Variants in MAN1A2 observed in about 807,000 individuals in gnomAD.
The protein encoded by MAN1A2 is mannosyl-oligosaccharide 1,2-alpha-mannosidase IB.
MAN1A2 carries 26 observed loss-of-function variants against 75.7 expected under a neutral mutation model. The observed-to-expected ratio is 0.34, with a 90% CI of 0.25 to 0.48. MAN1A2 has a LOEUF of 0.48. Among genes scored for constraint, MAN1A2 ranks in the 20% least tolerant of loss-of-function variants. The pLI is 0.99. For missense variants in MAN1A2, 562 were observed against 775.5 expected (o/e 0.72, Z 3.27); for synonymous variants, 247 against 264.6 (o/e 0.93, Z 0.65).
chr1:117,458,038 A>G (rs1478574211), intron 6 of MAN1A2, among the ~76,000 whole-genome samples: 2 of 152,188 alleles, frequency 1.3e-5, no homozygotes, highest in African/African-American at 4.8e-5. Flanking sequence ...ATCATTTTAG[A>G]AACATTTTCT....
intron 1 of MAN1A2, among the ~76,000 whole-genome samples, chr1:117,396,585 G>T (rs937009520): frequency 6.6e-6 from 1 of 152,132 alleles, no homozygotes; most frequent in Non-Finnish European, 1.5e-5. Flanking sequence ...GGAACCATTT[G>T]CATGGAGATC....
chr1:117,448,620 A>G (rs1378391750), intron 6 of MAN1A2, among the ~76,000 whole-genome samples: 1 of 152,238 alleles, frequency 6.6e-6, no homozygotes, highest in African/African-American at 2.4e-5. Context: ...ATCAGAAAAG[A>G]TCAGTGAGCT....
chr1:117,374,769 G>C (rs1391923923), intron 1 of MAN1A2, among the ~76,000 whole-genome samples: 4 of 152,126 alleles, frequency 2.6e-5, no homozygotes, highest in Non-Finnish European at 4.4e-5. Context: ...TCTAGCTCAT[G>C]CATATGAAAT....
intron 1 of MAN1A2, among the ~76,000 whole-genome samples, chr1:117,401,326 A>G (rs551562668): frequency 6.6e-4 from 100 of 152,224 alleles, no homozygotes; most frequent in African/African-American, 2.3e-3. Context: ...AAGTTCAGCC[A>G]TCTGCAGAGC....
chr1:117,444,842 T>C (rs1040980265), intron 6 of MAN1A2, among the ~76,000 whole-genome samples: 2 of 152,152 alleles, frequency 1.3e-5, no homozygotes, highest in Non-Finnish European at 2.9e-5. Context: ...TATATACAAA[T>C]ATATGTTTTA....
At chr1:117,445,870 G>A (rs372384490) in intron 6 of MAN1A2, among the ~76,000 whole-genome samples, 18,245 of 107,754 alleles carry the variant, frequency 0.17, 2,776 homozygotes, top group East Asian at 0.36. Flanking sequence ...ATGTGTGTGT[G>A]TGTCTGTGTG....
intron 10 of MAN1A2, among the ~76,000 whole-genome samples, chr1:117,498,998 A>T (rs1295143258): frequency 1.3e-5 from 2 of 151,626 alleles, no homozygotes; most frequent in African/African-American, 4.8e-5. Flanking sequence ...CCTTGCCTTT[A>T]AAAAAAACAT....
chr1:117,375,414 A>G (rs1653102500), intron 1 of MAN1A2, among the ~76,000 whole-genome samples: 1 of 152,222 alleles, frequency 6.6e-6, no homozygotes, highest in African/African-American at 2.4e-5. Flanking sequence ...GGGACAAGTT[A>G]TACAAATAGT....
intron 6 of MAN1A2, among the ~76,000 whole-genome samples, chr1:117,445,319 T>C (rs1649176536): frequency 6.6e-6 from 1 of 152,178 alleles, no homozygotes; most frequent in African/African-American, 2.4e-5. Context: ...TGGAATGCCT[T>C]TGTCAGATTT....
chr1:117,478,972 G>A (rs1408009415), intron 8 of MAN1A2, among the ~76,000 whole-genome samples: 2 of 151,304 alleles, frequency 1.3e-5, no homozygotes, highest in Non-Finnish European at 3.0e-5. Flanking sequence ...GGATGTGCTT[G>A]TTACATAGGT....
chr1:117,405,835 G>T (rs1319182959), intron 3 of MAN1A2, among the ~76,000 whole-genome samples, 190 bp downstream of exon 3: 1 of 152,120 alleles, frequency 6.6e-6, no homozygotes, highest in Non-Finnish European at 1.5e-5. Context: ...CATATATGTG[G>T]TAGATTTTCT....
chr1:117,444,626 T>A (rs1479812513), intron 6 of MAN1A2, among the ~76,000 whole-genome samples: 1 of 152,064 alleles, frequency 6.6e-6, no homozygotes, highest in Non-Finnish European at 1.5e-5. Flanking sequence ...GACTAGTGAA[T>A]TTTGAACATC....
intron 8 of MAN1A2, among the ~76,000 whole-genome samples, chr1:117,490,318 C>A (rs1257829303): frequency 6.6e-6 from 1 of 151,792 alleles, no homozygotes; most frequent in Non-Finnish European, 1.5e-5. Context: ...TTTGGTAATT[C>A]TTGCAATATT....
At chr1:117,389,336 T>G (rs1423892666) in intron 1 of MAN1A2, among the ~76,000 whole-genome samples, 2 of 152,178 alleles carry the variant, frequency 1.3e-5, no homozygotes, top group Non-Finnish European at 2.9e-5. Flanking sequence ...GGATGATGGC[T>G]TCAGGGTGAA....
chr1:117,461,212 A>T (rs1283477497), intron 7 of MAN1A2, among the ~76,000 whole-genome samples: 1 of 152,222 alleles, frequency 6.6e-6, no homozygotes, highest in East Asian at 1.9e-4. Context: ...ATTTTTACTC[A>T]GCCATGGAAA....
intron 8 of MAN1A2, among the ~76,000 whole-genome samples, chr1:117,476,437 C>G (rs1048137441): frequency 6.6e-6 from 1 of 152,046 alleles, no homozygotes; most frequent in Non-Finnish European, 1.5e-5. Context: ...TTGTCCATGC[C>G]TATGTCCTGA....
intron 3 of MAN1A2, among the ~76,000 whole-genome samples, chr1:117,414,113 T>C (rs961067599): frequency 1.3e-5 from 2 of 151,916 alleles, no homozygotes; most frequent in African/African-American, 2.4e-5. Context: ...TTTTATTATT[T>C]TGATTTTCTC....
At chr1:117,475,947 T>G (rs945146213) in intron 8 of MAN1A2, among the ~76,000 whole-genome samples, 8 of 152,166 alleles carry the variant, frequency 5.3e-5, no homozygotes, top group African/African-American at 1.9e-4. Flanking sequence ...CACACTATCT[T>G]CCCCAATGGT....
At chr1:117,493,060 A>G (rs558154277) in intron 8 of MAN1A2, 87 bp from the exon 9 acceptor site, 319 of 727,422 alleles carry the variant, frequency 4.4e-4, no homozygotes, top group Non-Finnish European at 6.9e-4. Context: ...GACCTCTAAC[A>G]TAGTCATTAT....
Sources: gnomAD v4.1 joint callset for allele counts (sites outside exome capture counted in the v4.1 genomes callset) on GRCh38, gnomAD v4.1.1 for gene constraint, MANE v1.5 for transcripts, NCBI Gene and HGNC (gene_info 2026-07-23, HGNC 2026-07-21) for gene names.